Variants in PAX5 observed in about 807,000 individuals in gnomAD.
The protein encoded by PAX5 is paired box protein Pax-5.
A neutral mutation model predicts 43.7 loss-of-function variants in PAX5; 9 were observed. The ratio of observed to expected loss-of-function variants is 0.21; its 90% confidence interval spans 0.12 to 0.36. The LOEUF is 0.36. PAX5 is among the 10% of genes least tolerant of loss of function. PAX5 has a pLI of 1.00. For synonymous variants in PAX5, 228 were observed against 214.3 expected (o/e 1.06, Z -0.56); for missense variants, 383 against 532.7 (o/e 0.72, Z 2.77).
intron 8 of PAX5, among the ~76,000 whole-genome samples, chr9:36,857,581 C>A (rs1823796695): frequency 6.6e-6 from 1 of 152,210 alleles, no homozygotes; most frequent in South Asian, 2.1e-4. Flanking sequence ...GGAAAGCTTC[C>A]TGTAAGAAGT....
chr9:37,003,169 A>C (rs866042304), intron 4 of PAX5, among the ~76,000 whole-genome samples: 8 of 149,462 alleles, frequency 5.4e-5, no homozygotes, highest in South Asian at 2.3e-4. Context: ...AAAAAAAAAA[A>C]AAAAAAAAAA....
At chr9:36,948,173 C>G (rs1832708849) in intron 6 of PAX5, among the ~76,000 whole-genome samples, 1 of 152,146 alleles carries the variant, frequency 6.6e-6, no homozygotes. Flanking sequence ...ATCACACAGC[C>G]AGCAGGTACG....
intron 8 of PAX5, among the ~76,000 whole-genome samples, chr9:36,866,143 C>T (rs1208892618): frequency 6.6e-6 from 1 of 152,248 alleles, no homozygotes; most frequent in African/African-American, 2.4e-5. Context: ...GGAAGGTCTG[C>T]TCCTGGTGGC....
chr9:37,006,675 A>C, intron 3 of PAX5, 138 bp from the exon 4 acceptor site: 1 of 702,516 alleles, frequency 1.4e-6, no homozygotes, highest in Non-Finnish European at 2.6e-6. Flanking sequence ...GCAGAGGTGG[A>C]GGGAGATTAT....
intron 3 of PAX5, among the ~76,000 whole-genome samples, chr9:37,009,554 G>T (rs989858315): frequency 2.6e-5 from 4 of 152,078 alleles, no homozygotes; most frequent in African/African-American, 7.3e-5. Flanking sequence ...AGGGCGGTGG[G>T]GGAGTAAAGA....
chr9:36,883,099 G>A (rs1226186478), intron 7 of PAX5, among the ~76,000 whole-genome samples: 1 of 152,134 alleles, frequency 6.6e-6, no homozygotes, highest in African/African-American at 2.4e-5. Context: ...ATCGTGAGAG[G>A]GGAGGGAACT....
At chr9:36,886,102 A>G (rs1479158593) in intron 7 of PAX5, among the ~76,000 whole-genome samples, 1 of 152,094 alleles carries the variant, frequency 6.6e-6, no homozygotes, top group African/African-American at 2.4e-5. Flanking sequence ...GAGAGGGGGC[A>G]CATGTGGAGC....
intron 8 of PAX5, among the ~76,000 whole-genome samples, chr9:36,870,937 G>C (rs745695373): frequency 7.2e-5 from 11 of 152,244 alleles, no homozygotes; most frequent in Non-Finnish European, 1.5e-4. Flanking sequence ...GGTGCCCTCA[G>C]GGCAGGGGCT....
chr9:37,013,382 A>G (rs1378732097), intron 3 of PAX5, among the ~76,000 whole-genome samples: 1 of 151,998 alleles, frequency 6.6e-6, no homozygotes, highest in Non-Finnish European at 1.5e-5. Context: ...TGTGACCCCC[A>G]TGGACTACCT....
chr9:36,868,412 T>A (rs1163401488), intron 8 of PAX5, among the ~76,000 whole-genome samples: 1 of 152,220 alleles, frequency 6.6e-6, no homozygotes, highest in Non-Finnish European at 1.5e-5. Context: ...GCACGGGGTC[T>A]CTATGGCAGA....
chr9:36,834,088 G>A lies in PAX5; in HGVS notation c.*6472C>T, dbSNP rs1415880139. 1 of 233,104 alleles carries A rather than the reference G, an allele frequency of 4.3e-6. No homozygotes were observed. Among genetic ancestry groups the A allele is most frequent in the East Asian group, 6.0e-5 (1 of 16,606 alleles). 14.4% of individuals were successfully genotyped at this position (233,104 alleles called of 1,614,324 possible). A position where few individuals can be genotyped will look rare whatever the true frequency, so the allele number is the denominator to read the frequency against. ...TACTCAATGTCCAAGGCCACTAGAG[G>A]GTGAAAAACCAGGGCAGCGTCTTCC... On this transcript the variant is annotated 3_prime_UTR_variant, in exon 10 of 10. Coordinates refer to ENST00000358127, the MANE Select transcript of PAX5 (RefSeq NM_016734.3).
At chr9:37,026,558 C>A in intron 1 of PAX5, 1 of 1,338,236 alleles carries the variant, frequency 7.5e-7, no homozygotes, top group Middle Eastern at 2.0e-4. Flanking sequence ...ACGGGTCGTG[C>A]TTACAGTGTA....
intron 5 of PAX5, among the ~76,000 whole-genome samples, chr9:36,977,845 G>A (rs1195015079): frequency 3.3e-5 from 5 of 152,222 alleles, no homozygotes; most frequent in Admixed American, 2.6e-4. Context: ...CAGGGAAGAG[G>A]AATTGCATTC....
intron 7 of PAX5, among the ~76,000 whole-genome samples, chr9:36,912,545 CA>C (rs1432672422): frequency 6.6e-6 from 1 of 152,172 alleles, no homozygotes; most frequent in Non-Finnish European, 1.5e-5. Context: ...CATATAATGG[CA>C]GTAGGCTGTG....
chr9:36,960,185 A>C (rs545548690), intron 6 of PAX5, among the ~76,000 whole-genome samples: 2 of 152,362 alleles, frequency 1.3e-5, no homozygotes, highest in East Asian at 3.8e-4. Flanking sequence ...AAACAGGCTG[A>C]AAGAATGTTC....
chr9:36,957,763 T>C (rs1166007293), intron 6 of PAX5, among the ~76,000 whole-genome samples: 1 of 152,110 alleles, frequency 6.6e-6, no homozygotes, highest in Non-Finnish European at 1.5e-5. Flanking sequence ...ATCTCCTTCT[T>C]TAATCTCTAA....
At chr9:36,857,975 G>C (rs1361934065) in intron 8 of PAX5, among the ~76,000 whole-genome samples, 1 of 152,258 alleles carries the variant, frequency 6.6e-6, no homozygotes, top group Non-Finnish European at 1.5e-5. Context: ...CTCCATGTTG[G>C]TAACTGGGAG....
intron 7 of PAX5, among the ~76,000 whole-genome samples, chr9:36,918,320 A>G (rs577158987): frequency 1.3e-5 from 2 of 152,358 alleles, no homozygotes; most frequent in African/African-American, 2.4e-5. Context: ...GAACACATGA[A>G]TGATAAGCCT....
intron 7 of PAX5, among the ~76,000 whole-genome samples, chr9:36,886,796 C>T (rs1157960068): frequency 1.3e-5 from 2 of 152,118 alleles, no homozygotes; most frequent in Non-Finnish European, 2.9e-5. Context: ...GCATTCCTAA[C>T]ATAATTCCTC....
Sources: allele counts gnomAD v4.1 joint callset (sites outside exome capture counted in the v4.1 genomes callset), GRCh38; gene constraint gnomAD v4.1.1; transcripts MANE v1.5; gene names NCBI Gene and HGNC (gene_info 2026-07-23, HGNC 2026-07-21).